The following CPHXL2 variants were observed in gnomAD, a reference collection of about 807,000 sequenced individuals.
CPHXL2 encodes the protein cytoplasmic polyadenylated homeobox like 2, also known as cytoplasmic polyadenylated homeobox-like protein 2.
At chr16:75,660,695 C>G in the CPHXL2 span, 4 of 398,492 alleles carry the variant, frequency 1.0e-5, no homozygotes, top group African/African-American at 6.2e-5. Flanking sequence ...GAGCGTAATC[C>G]AAAAGGAAGG....
chr16:75,669,341 A>T, the CPHXL2 span: 1 of 400,320 alleles, frequency 2.5e-6, no homozygotes, highest in Non-Finnish European at 4.4e-6. Context: ...TCTAAGAAAC[A>T]TGCATACGAG....
chr16:75,667,619 G>T, the CPHXL2 span, among the ~76,000 whole-genome samples: 1 of 152,194 alleles, frequency 6.6e-6, no homozygotes, highest in Non-Finnish European at 1.5e-5. Context: ...TCATGCAGCA[G>T]ATAATTGTAA....
At chr16:75,660,625 G>C in the CPHXL2 span, 21 of 398,514 alleles carry the variant, frequency 5.3e-5, no homozygotes, top group South Asian at 2.5e-4. Flanking sequence ...TGCTGTTCTT[G>C]CAGCAGTGAG....
the CPHXL2 span, among the ~76,000 whole-genome samples, chr16:75,661,416 A>C: frequency 6.6e-6 from 1 of 152,170 alleles, no homozygotes; most frequent in African/African-American, 2.4e-5. Context: ...TCTCCCTAGA[A>C]CTGCACATAT....
At chr16:75,666,970 C>T in the CPHXL2 span, among the ~76,000 whole-genome samples, 1 of 152,038 alleles carries the variant, frequency 6.6e-6, no homozygotes, top group Admixed American at 6.6e-5. Context: ...ATAACCTGTT[C>T]GTGAATGATC....
the CPHXL2 span, among the ~76,000 whole-genome samples, chr16:75,674,223 A>T: frequency 1.3e-5 from 2 of 150,548 alleles, no homozygotes; most frequent in African/African-American, 2.5e-5. Context: ...AATACAAAAA[A>T]TTAGCCGGGT....
chr16:75,672,592 A>G, the CPHXL2 span, among the ~76,000 whole-genome samples: 1 of 152,180 alleles, frequency 6.6e-6, no homozygotes, highest in African/African-American at 2.4e-5. Flanking sequence ...CCTGGGCTCA[A>G]GTGATCTTAT....
chr16:75,660,760 C>T, the CPHXL2 span: 5 of 398,526 alleles, frequency 1.3e-5, no homozygotes, highest in Non-Finnish European at 1.3e-5. Context: ...AAATATGGCA[C>T]AGAAGATGGG....
At chr16:75,667,753 G>A in the CPHXL2 span, among the ~76,000 whole-genome samples, 1 of 152,172 alleles carries the variant, frequency 6.6e-6, no homozygotes, top group East Asian at 1.9e-4. Context: ...ATATTCAAAT[G>A]TTCTCTTAGT....
the CPHXL2 span, among the ~76,000 whole-genome samples, chr16:75,662,431 C>G: frequency 2.0e-5 from 3 of 151,050 alleles, no homozygotes; most frequent in African/African-American, 7.3e-5. Context: ...GCGCCTTCCC[C>G]TTCCCAGAAG....
At chr16:75,664,266 T>TAA in the CPHXL2 span, among the ~76,000 whole-genome samples, 3 of 152,230 alleles carry the variant, frequency 2.0e-5, no homozygotes, top group African/African-American at 7.2e-5. Flanking sequence ...GTCACAGGCA[T>TAA]GTTCTTAACC....
At chr16:75,662,542 T>G in the CPHXL2 span, among the ~76,000 whole-genome samples, 3 of 151,958 alleles carry the variant, frequency 2.0e-5, no homozygotes, top group African/African-American at 7.3e-5. Flanking sequence ...GTCAACTCAT[T>G]AGTGTAGAAA....
At chr16:75,672,642 G>T in the CPHXL2 span, among the ~76,000 whole-genome samples, 1 of 152,020 alleles carries the variant, frequency 6.6e-6, no homozygotes, top group Non-Finnish European at 1.5e-5. Context: ...CTTGCAATAC[G>T]CCCGGATAAT....
At chr16:75,666,775 T>C in the CPHXL2 span, among the ~76,000 whole-genome samples, 1 of 152,244 alleles carries the variant, frequency 6.6e-6, no homozygotes, top group South Asian at 2.1e-4. Flanking sequence ...GTGCAGAATG[T>C]ACATTCTATT....
chr16:75,669,840 G>C, the CPHXL2 span, among the ~76,000 whole-genome samples: 1 of 152,212 alleles, frequency 6.6e-6, no homozygotes, highest in African/African-American at 2.4e-5. Context: ...CCGTTTTCAA[G>C]CCACAATAGC....
chr16:75,668,207 C>CTA, the CPHXL2 span, among the ~76,000 whole-genome samples: 3 of 130,864 alleles, frequency 2.3e-5, no homozygotes, highest in Non-Finnish European at 4.5e-5. Flanking sequence ...TTCTCTCTCT[C>CTA]TCTCTCTATA....
At chr16:75,671,123 C>T in the CPHXL2 span, among the ~76,000 whole-genome samples, 2 of 152,196 alleles carry the variant, frequency 1.3e-5, no homozygotes, top group Non-Finnish European at 2.9e-5. Context: ...CGGCTCACGC[C>T]TATAATCCCA....
chr16:75,660,441 G>A, the CPHXL2 span: 4 of 398,590 alleles, frequency 1.0e-5, no homozygotes, highest in Non-Finnish European at 1.3e-5. Context: ...AGAGCACAAC[G>A]GCTTTCCATT....
the CPHXL2 span, chr16:75,660,763 A>G: frequency 2.5e-6 from 1 of 398,672 alleles, no homozygotes; most frequent in East Asian, 3.6e-5. Flanking sequence ...TATGGCACAG[A>G]AGATGGGGGA....
Sources: gnomAD v4.1 joint callset for allele counts (sites outside exome capture counted in the v4.1 genomes callset) on GRCh38, gnomAD v4.1.1 for gene constraint, MANE v1.5 for transcripts, NCBI Gene and HGNC (gene_info 2026-07-23, HGNC 2026-07-21) for gene names.